ROBO2: variants seen among roughly 807,000 people sequenced by gnomAD.
The protein encoded by ROBO2 is roundabout guidance receptor 2, also known as roundabout homolog 2.
Under a neutral mutation model 160.8 loss-of-function variants are expected in ROBO2, and 53 were observed. That is an observed-to-expected ratio of 0.33 (90% CI 0.26 to 0.41). The LOEUF is 0.41. ROBO2 is among the 10% of genes least tolerant of loss of function. ROBO2 has a pLI of 1.00. For missense variants in ROBO2, 1,577 were observed against 1,722.4 expected, an observed-to-expected ratio of 0.92 and a Z score of 1.49; for synonymous variants, 664 against 611.7, an observed-to-expected ratio of 1.09 and a Z score of -1.26.
intron 2 of ROBO2, among the ~76,000 whole-genome samples, chr3:76,570,788 G>A (rs544678964): frequency 6.6e-6 from 1 of 152,230 alleles, no homozygotes; most frequent in South Asian, 2.1e-4. Flanking sequence ...TTTACTTAAA[G>A]TCATCCATCT....
intron 1 of ROBO2, among the ~76,000 whole-genome samples, chr3:77,081,952 C>T (rs1382754981): frequency 6.6e-6 from 1 of 152,242 alleles, no homozygotes; most frequent in Non-Finnish European, 1.5e-5. Flanking sequence ...ACCCTGCCCT[C>T]CAGGAACCAG....
chr3:77,375,649 G>A (rs1313541653), intron 2 of ROBO2, among the ~76,000 whole-genome samples: 4 of 152,164 alleles, frequency 2.6e-5, no homozygotes. Context: ...ATAATGAAGA[G>A]TCATCTGGTA....
intron 1 of ROBO2, among the ~76,000 whole-genome samples, chr3:77,057,569 A>ATTTTTTTTTTTTTTTTT (rs71104648): frequency 1.9e-5 from 2 of 105,274 alleles, no homozygotes; most frequent in East Asian, 3.1e-4. Flanking sequence ...ATTCCAGAGG[A>ATTTTTTTTTTTTTTTTT]TTTTTTTTTT....
chr3:76,340,929 GAACTGA>G (rs1457984191), intron 2 of ROBO2, among the ~76,000 whole-genome samples: 1 of 152,018 alleles, frequency 6.6e-6, no homozygotes, highest in Admixed American at 6.6e-5. Flanking sequence ...TGCCATTTGG[GAACTGA>G]CAGTAAAATA....
intron 22 of ROBO2, among the ~76,000 whole-genome samples, chr3:77,621,493 T>C (rs1050741901): frequency 1.3e-5 from 2 of 152,154 alleles, no homozygotes; most frequent in African/African-American, 4.8e-5. Context: ...ATTTATTTCA[T>C]AAGGTTGAGA....
chr3:76,416,904 T>G (rs946397074), intron 2 of ROBO2, among the ~76,000 whole-genome samples: 2 of 152,192 alleles, frequency 1.3e-5, no homozygotes, highest in Non-Finnish European at 2.9e-5. Flanking sequence ...AACTTTATAT[T>G]ATGCAGTGTT....
At chr3:76,543,887 C>G (rs139739223) in intron 2 of ROBO2, among the ~76,000 whole-genome samples, 180 of 152,094 alleles carry the variant, frequency 1.2e-3, no homozygotes, top group African/African-American at 4.1e-3. Flanking sequence ...TTATTTCTAG[C>G]TGCTTCTTTC....
At chr3:76,781,196 C>T (rs576745028) in intron 2 of ROBO2, among the ~76,000 whole-genome samples, 34 of 150,474 alleles carry the variant, frequency 2.3e-4, no homozygotes, top group Non-Finnish European at 3.7e-4. Flanking sequence ...GGAATGTTTT[C>T]TTATTTGTTT....
At chr3:77,089,999 A>G (rs1435698900) in intron 1 of ROBO2, among the ~76,000 whole-genome samples, 1 of 152,190 alleles carries the variant, frequency 6.6e-6, no homozygotes, top group African/African-American at 2.4e-5. Flanking sequence ...CCTTCAGTGA[A>G]GGAAATTTTG....
chr3:76,878,805 A>C (rs1189408809), intron 2 of ROBO2, among the ~76,000 whole-genome samples: 1 of 152,180 alleles, frequency 6.6e-6, no homozygotes, highest in Non-Finnish European at 1.5e-5. Context: ...AGTGGCTTAC[A>C]AGATAGCCAT....
At chr3:76,778,152 C>T (rs567376844) in intron 2 of ROBO2, among the ~76,000 whole-genome samples, 2 of 151,184 alleles carry the variant, frequency 1.3e-5, no homozygotes, top group African/African-American at 2.4e-5. Context: ...CTTCATTCTT[C>T]TCTTGTTCTG....
At chr3:76,469,130 T>C (rs889738071) in intron 2 of ROBO2, among the ~76,000 whole-genome samples, 2 of 152,086 alleles carry the variant, frequency 1.3e-5, no homozygotes, top group African/African-American at 4.8e-5. Context: ...GACCCCACAG[T>C]CAAATGACCA....
chr3:77,472,217 G>A (rs575697301), intron 2 of ROBO2, among the ~76,000 whole-genome samples: 49 of 152,122 alleles, frequency 3.2e-4, no homozygotes, highest in African/African-American at 1.1e-3. Context: ...AAGGTAAATC[G>A]CCAGGTCTAG....
At chr3:76,846,938 CAACA>C (rs2068829033) in intron 2 of ROBO2, among the ~76,000 whole-genome samples, 1 of 151,988 alleles carries the variant, frequency 6.6e-6, no homozygotes, top group Admixed American at 6.6e-5. Flanking sequence ...GATAATTGAA[CAACA>C]ATCAACTTAT....
chr3:76,017,577 C>G (rs2066439451), intron 2 of ROBO2, among the ~76,000 whole-genome samples: 2 of 152,074 alleles, frequency 1.3e-5, no homozygotes, highest in African/African-American at 4.8e-5. Flanking sequence ...TCTCAGCCAC[C>G]TCACAGTTAT....
At chr3:76,227,631 G>A (rs1246867157) in intron 2 of ROBO2, among the ~76,000 whole-genome samples, 2 of 152,100 alleles carry the variant, frequency 1.3e-5, no homozygotes, top group Non-Finnish European at 1.5e-5. Context: ...AATAAGCTTA[G>A]TATTTTTAAG....
intron 2 of ROBO2, among the ~76,000 whole-genome samples, chr3:77,282,735 G>A (rs1382974492): frequency 6.6e-6 from 1 of 151,954 alleles, no homozygotes; most frequent in Non-Finnish European, 1.5e-5. Context: ...TTTATGATAA[G>A]CATAATTTGA....
chr3:76,701,835 G>C (rs754557348), intron 2 of ROBO2, among the ~76,000 whole-genome samples: 8 of 134,168 alleles, frequency 6.0e-5, no homozygotes, highest in African/African-American at 2.0e-4. Flanking sequence ...ACCTTGAGTA[G>C]TGTGTAGCAG....
chr3:76,421,465 G>T (rs988870513), intron 2 of ROBO2, among the ~76,000 whole-genome samples: 2 of 151,206 alleles, frequency 1.3e-5, no homozygotes, highest in African/African-American at 2.5e-5. Context: ...AGTGGCTCAT[G>T]CCTGTAATCC....
Sources: allele counts gnomAD v4.1 joint callset (sites outside exome capture counted in the v4.1 genomes callset), GRCh38; gene constraint gnomAD v4.1.1; transcripts MANE v1.5; gene names NCBI Gene and HGNC (gene_info 2026-07-23, HGNC 2026-07-21).